UTRN: variants seen among roughly 807,000 people sequenced by gnomAD.
The protein encoded by UTRN is utrophin.
Under a neutral mutation model 463.9 loss-of-function variants are expected in UTRN, and 283 were observed. The ratio of observed to expected loss-of-function variants is 0.61; its 90% CI spans 0.55 to 0.67. The LOEUF (loss-of-function observed/expected upper bound fraction) is 0.67. Among genes scored for constraint, UTRN ranks in the 30% least tolerant of loss-of-function variants. The probability of loss-of-function intolerance (pLI) is 0.00; values close to 1 mark genes in which losing one functional copy is unlikely to be tolerated. For synonymous variants in UTRN, 1,442 were observed against 1,431.5 expected (o/e 1.01, Z -0.17); for missense variants, 3,922 against 4,084.3 (o/e 0.96, Z 1.08).
At position 144,429,753 on chromosome 6, in the gene UTRN, A is replaced by C; in HGVS notation, c.855+12A>C. The C allele has an allele frequency of 6.2e-7, 1 of 1,601,340 alleles. No individual in the cohort carries two copies. The highest frequency in any genetic ancestry group is 8.5e-7 in the Non-Finnish European group (1 of 1,176,454). ...CAATTAATATACAGGTACAGGTAAC[A>C]TTTTATTAAGATGTTTGGCTTGCCG... On this transcript the variant is annotated intron_variant, in intron 9 of 74. Coordinates refer to ENST00000367545, the MANE Select transcript of UTRN (RefSeq NM_007124.3).
intron 72 of UTRN, 128 bp from the exon 73 acceptor site, chr6:144,840,612 G>A: frequency 1.9e-6 from 2 of 1,028,172 alleles, no homozygotes; most frequent in Admixed American, 2.6e-5. Context: ...ATTGTCCTTT[G>A]CAATGGGAAA....
In UTRN at chr6:144,454,534, G is replaced by C. The variant is rs759735119; in HGVS notation, c.2284+665G>C. On this transcript the variant is annotated intron_variant, in intron 19 of 74. Coordinates refer to ENST00000367545, the MANE Select transcript of UTRN (RefSeq NM_007124.3). ...TGGTCTAATAATGGTAAGCACTTTG[G>C]AAGGCTGCTGTAGCTCTCCTTGACA... 3.5e-4 allele frequency among the ~76,000 whole-genome samples: 53 copies of C among 152,098 alleles called. 1 individual carries two copies. The highest frequency in any genetic ancestry group is 8.8e-5 in the Non-Finnish European group (6 of 67,996).
At chr6:144,729,291 C>T (rs930973412) in intron 53 of UTRN, among the ~76,000 whole-genome samples, 1 of 152,034 alleles carries the variant, frequency 6.6e-6, no homozygotes, top group African/African-American at 2.4e-5. Flanking sequence ...TCTGGTATTT[C>T]TAGATTTTTT....
In UTRN at chr6:144,834,897, G is replaced by A. The variant is rs539500155; in HGVS notation, c.9666-883G>A. On this transcript the variant is annotated intron_variant, in intron 69 of 74. Transcript: ENST00000367545. Reference sequence around the variant, plus strand: ...TGCTGCCCTATCCTGTAAAGCCATCGATTTCCAGGACTTGTTTACCAAAAG... The same window carrying A: ...TGCTGCCCTATCCTGTAAAGCCATCAATTTCCAGGACTTGTTTACCAAAAG... Among the ~76,000 whole-genome samples, 34 of 152,286 alleles carry A rather than the reference G, an allele frequency of 2.2e-4. 1 individual carries two copies. The highest frequency in any genetic ancestry group is 2.1e-3 in the East Asian group (11 of 5,190).
At chr6:144,486,910 G>T (rs1435591411) in intron 28 of UTRN, among the ~76,000 whole-genome samples, 1 of 152,086 alleles carries the variant, frequency 6.6e-6, no homozygotes, top group Non-Finnish European at 1.5e-5. Context: ...TAACCTTTCT[G>T]AGCTTCAATT....
chr6:144,298,662 T>C (rs1804966482), intron 2 of UTRN, among the ~76,000 whole-genome samples: 1 of 152,246 alleles, frequency 6.6e-6, no homozygotes, highest in Non-Finnish European at 1.5e-5. Context: ...TTTGTGTGAA[T>C]ATTTTCGAAT....
rs892855370 is a variant in UTRN at position 144,590,457 on chromosome 6, G to T, written c.7479+13169G>T. On this transcript the variant is annotated intron_variant, in intron 51 of 74. Transcript: ENST00000367545. ...TAGTTTTTTATCATTATATTTAAAAGGACATAATAGCTCCCTAAGAAAGAA... is the reference window on the plus strand; with the variant it reads ...TAGTTTTTTATCATTATATTTAAAATGACATAATAGCTCCCTAAGAAAGAA... Among the ~76,000 whole-genome samples, 15 of 152,108 alleles carry T rather than the reference G, an allele frequency of 9.9e-5. No homozygotes were observed. In the South Asian group the frequency reaches 1.0e-3, roughly 11 times the overall value.
At chr6:144,458,259 A>G (rs1789069465) in intron 19 of UTRN, among the ~76,000 whole-genome samples, 1 of 152,140 alleles carries the variant, frequency 6.6e-6, no homozygotes, top group South Asian at 2.1e-4. Flanking sequence ...TCCTGCACTC[A>G]CCAGGTTGCT....
At chr6:144,427,246 A>G (rs2114861403) in intron 7 of UTRN, among the ~76,000 whole-genome samples, 1 of 152,340 alleles carries the variant, frequency 6.6e-6, no homozygotes, top group African/African-American at 2.4e-5. Flanking sequence ...CACTAAAAAA[A>G]AAATAATAAT....
intron 52 of UTRN, among the ~76,000 whole-genome samples, chr6:144,699,777 C>A (rs1176161463): frequency 6.7e-6 from 1 of 149,508 alleles, no homozygotes; most frequent in Non-Finnish European, 1.5e-5. Context: ...ACCAATAAAT[C>A]CTCTGAATAT....
chr6:144,445,471 A>G (rs1192411809), intron 14 of UTRN, among the ~76,000 whole-genome samples: 1 of 152,040 alleles, frequency 6.6e-6, no homozygotes, highest in African/African-American at 2.4e-5. Flanking sequence ...CAGGGGAAAA[A>G]ACTCAAGTGT....
At chr6:144,781,084 G>T (rs146469145) in intron 60 of UTRN, among the ~76,000 whole-genome samples, 1 of 152,186 alleles carries the variant, frequency 6.6e-6, no homozygotes, top group Non-Finnish European at 1.5e-5. Flanking sequence ...CAGGGGCTCT[G>T]CCTTCACCTC....
intron 23 of UTRN, among the ~76,000 whole-genome samples, chr6:144,464,247 C>G (rs1171140794): frequency 6.6e-6 from 1 of 152,052 alleles, no homozygotes; most frequent in Non-Finnish European, 1.5e-5. Context: ...GGGATCCAGC[C>G]AGATTCTCTG....
At chr6:144,535,281 A>T (rs1028196085) in intron 43 of UTRN, among the ~76,000 whole-genome samples, 1 of 152,140 alleles carries the variant, frequency 6.6e-6, no homozygotes, top group Non-Finnish European at 1.5e-5. Flanking sequence ...GCATTTCACC[A>T]TGTTGGCCAG....
At chr6:144,744,861 C>A (rs1394456869) in intron 54 of UTRN, among the ~76,000 whole-genome samples, 1 of 152,170 alleles carries the variant, frequency 6.6e-6, no homozygotes, top group Non-Finnish European at 1.5e-5. Context: ...TCTGTGTTGA[C>A]ACAAGAACCC....
intron 51 of UTRN, among the ~76,000 whole-genome samples, chr6:144,629,974 A>G (rs1776339011): frequency 6.6e-6 from 1 of 152,116 alleles, no homozygotes; most frequent in East Asian, 1.9e-4. Flanking sequence ...TCATGAGGTC[A>G]GGAGATTGAG....
At chr6:144,337,907 G>A (rs911976320) in intron 2 of UTRN, among the ~76,000 whole-genome samples, 6 of 152,186 alleles carry the variant, frequency 3.9e-5, no homozygotes, top group African/African-American at 1.2e-4. Context: ...GAGCCATTGC[G>A]CCCAGCCTGG....
At chr6:144,403,742 T>G (rs929006565) in intron 3 of UTRN, among the ~76,000 whole-genome samples, 1 of 152,196 alleles carries the variant, frequency 6.6e-6, no homozygotes, top group African/African-American at 2.4e-5. Flanking sequence ...TTGAGCAATA[T>G]TTTTTCATAG....
chr6:144,340,731 G>T (rs369730642), intron 2 of UTRN, among the ~76,000 whole-genome samples: 1 of 152,158 alleles, frequency 6.6e-6, no homozygotes, highest in African/African-American at 2.4e-5. Context: ...CAACATAAAT[G>T]GTCTATTGAT....
Sources: gnomAD v4.1 joint callset for allele counts (sites outside exome capture counted in the v4.1 genomes callset) on GRCh38, gnomAD v4.1.1 for gene constraint, MANE v1.5 for transcripts, NCBI Gene and HGNC (gene_info 2026-07-23, HGNC 2026-07-21) for gene names.